Variants in TNRC6C observed in about 807,000 individuals in gnomAD.
TNRC6C encodes trinucleotide repeat containing adaptor 6C.
TNRC6C carries 20 observed loss-of-function variants against 153.7 expected under a neutral mutation model. That is an observed-to-expected ratio of 0.13 (90% CI 0.09 to 0.19). The LOEUF (loss-of-function observed/expected upper bound fraction) is 0.19. Ranked by LOEUF, TNRC6C falls within the 10% of genes least tolerant of loss-of-function variation. TNRC6C has a pLI of 1.00. For missense variants in TNRC6C, 1,987 were observed against 2,172.0 expected (o/e 0.91, Z 1.69); for synonymous variants, 811 against 841.4 (o/e 0.96, Z 0.63).
intron 1 of TNRC6C, among the ~76,000 whole-genome samples, chr17:77,976,488 G>C (rs989985804): frequency 6.6e-6 from 1 of 152,168 alleles, no homozygotes; most frequent in Non-Finnish European, 1.5e-5. Context: ...CCCAGTTAGG[G>C]TTCCAGAAAT....
At chr17:78,093,287 T>C (rs1414403557) in intron 15 of TNRC6C, 163 bp downstream of exon 17, 7 of 869,224 alleles carry the variant, frequency 8.1e-6, no homozygotes, top group Non-Finnish European at 1.2e-5. Context: ...GTCAGATCAA[T>C]TTTGGGTATG....
At chr17:78,101,763 G>A (rs188233282) in intron 17 of TNRC6C, among the ~76,000 whole-genome samples, 2 of 152,240 alleles carry the variant, frequency 1.3e-5, no homozygotes, top group African/African-American at 4.8e-5. Context: ...GGCACAGATC[G>A]CTCGTGCTAC....
At position 78,016,034 on chromosome 17, in the gene TNRC6C, T is replaced by G. The variant is rs1267677292; in HGVS notation, c.-546+10955T>G. On this transcript the variant is annotated intron_variant, in intron 1 of 19. Transcript: ENST00000301624. ...GAAATGGGTTTAAAATATGGAGGAC[T>G]GGGTGCGTATAAAATCACTGAAAGG... Among the ~76,000 whole-genome samples the G allele has an allele frequency of 3.3e-5, 5 of 152,218 alleles. No individual in the cohort carries two copies. The East Asian group carries it at 5.8e-4, about 18-fold the overall frequency.
intron 1 of TNRC6C, among the ~76,000 whole-genome samples, chr17:77,990,228 T>A (rs113357804): frequency 6.6e-6 from 1 of 152,214 alleles, no homozygotes; most frequent in Non-Finnish European, 1.5e-5. Flanking sequence ...TAAACTCTTA[T>A]ATTGACTGCA....
intron 1 of TNRC6C, among the ~76,000 whole-genome samples, chr17:78,024,735 TCAC>T (rs1215981483): frequency 3.9e-5 from 6 of 152,066 alleles, no homozygotes. Flanking sequence ...TTCCCTCTCC[TCAC>T]CACCACTAGT....
chr17:77,994,043 A>C (rs1404043779), intron 1 of TNRC6C, among the ~76,000 whole-genome samples: 1 of 152,080 alleles, frequency 6.6e-6, no homozygotes, highest in Non-Finnish European at 1.5e-5. Flanking sequence ...AAATACAAAA[A>C]TTAGCCGGGC....
chr17:78,043,693 G>A (rs1335081323), intron 2 of TNRC6C, among the ~76,000 whole-genome samples: 1 of 151,760 alleles, frequency 6.6e-6, no homozygotes, highest in Non-Finnish European at 1.5e-5. Flanking sequence ...ATTATTTTTT[G>A]TACCCATTAA....
intron 1 of TNRC6C, among the ~76,000 whole-genome samples, chr17:77,960,730 C>T (rs1457150390): frequency 6.6e-6 from 1 of 152,132 alleles, no homozygotes; most frequent in Non-Finnish European, 1.5e-5. Flanking sequence ...GCAGAGGTGG[C>T]AATGGTCTTT....
intron 1 of TNRC6C, among the ~76,000 whole-genome samples, chr17:77,964,801 A>G (rs1373322580): frequency 1.3e-5 from 2 of 152,202 alleles, no homozygotes; most frequent in Non-Finnish European, 2.9e-5. Flanking sequence ...TCCATATGAA[A>G]TATGAAGTGC....
chr17:78,000,930 C>T (rs1381610675), upstream of TNRC6C, among the ~76,000 whole-genome samples: 1 of 152,086 alleles, frequency 6.6e-6, no homozygotes, highest in Non-Finnish European at 1.5e-5. Flanking sequence ...CATAATTTCA[C>T]CTTTTGAATC....
chr17:78,077,025 C>T, intron 8 of TNRC6C, 160 bp from the exon 11 acceptor site: 1 of 732,814 alleles, frequency 1.4e-6, no homozygotes, highest in Non-Finnish European at 2.1e-6. Context: ...TTTCTTTTTC[C>T]CCTCTTCCTT....
Position 78,079,296 on chromosome 17 carries a change from A to G in TNRC6C, c.3211-99A>G. Reference sequence around the variant, plus strand: ...GTTGACAGTGGTAGGAAGTAGAAACAATTTTGCATTCACTTGAAATAGATC... The same window carrying G: ...GTTGACAGTGGTAGGAAGTAGAAACGATTTTGCATTCACTTGAAATAGATC... On this transcript the variant is annotated intron_variant, in intron 9 of 19. Coordinates refer to ENST00000301624, the Ensembl canonical transcript of TNRC6C. This position sits in a 1 kb window ranked among gnomAD's most constrained non-coding sequence, Gnocchi z 4.3. 2 of 1,529,458 alleles carry G rather than the reference A, an allele frequency of 1.3e-6. No individual in the cohort carries two copies. The highest frequency in any genetic ancestry group is 1.8e-6 in the Non-Finnish European group (2 of 1,127,814). 94.7% of individuals were successfully genotyped at this position (1,529,458 alleles called of 1,614,324 possible).
intron 9 of TNRC6C, among the ~76,000 whole-genome samples, chr17:78,078,954 A>T (rs1048737824): frequency 3.3e-5 from 5 of 152,104 alleles, no homozygotes; most frequent in African/African-American, 9.7e-5. Context: ...TTAGCCGGGT[A>T]TGGTGGCAGG....
At chr17:78,057,179 GTTCATTTTT>G (rs1401691668) in intron 3 of TNRC6C, among the ~76,000 whole-genome samples, 1 of 152,134 alleles carries the variant, frequency 6.6e-6, no homozygotes, top group African/African-American at 2.4e-5. Context: ...GGGGTTATTT[GTTCATTTTT>G]TTCATTTATA....
rs368771834 is a variant in TNRC6C, at chr17:78,035,004, ATC to A, written c.-219+3166_-219+3167del. Among the ~76,000 whole-genome samples the A allele has an allele frequency of 4.0e-3, 608 of 152,246 alleles. 7 individuals are homozygous for A. The highest frequency in any genetic ancestry group is 0.014 in the African/African-American group (583 of 41,534). Reference sequence around the variant, plus strand: ...TTCTATGACTAAGCAGAATGGGAAAATCTCTGAACCATAGGTGAGGACTTGGA... The same window carrying A: ...TTCTATGACTAAGCAGAATGGGAAAATCTGAACCATAGGTGAGGACTTGGA... On this transcript the variant is annotated intron_variant, in intron 2 of 19. Coordinates refer to ENST00000301624, the Ensembl canonical transcript of TNRC6C.
chr17:78,086,286 C>T lies in TNRC6C; in HGVS notation c.3478-217C>T, dbSNP rs544603555. Among the ~76,000 whole-genome samples the T allele has an allele frequency of 1.0e-4, 14 of 133,720 alleles. 3 individuals carry two copies. The highest frequency in any genetic ancestry group is 3.2e-4 in the African/African-American group (11 of 34,878). The allele number at this position is 133,720 out of a possible 152,430, so 87.7% of individuals were successfully genotyped here. A position where few individuals can be genotyped will look rare whatever the true frequency, so the allele number is the denominator to read the frequency against. Reference sequence around the variant, plus strand: ...CAGAGGTGGCAGTGAGCTGAGATCACGCCATTACACTCCAGCCTGGATGAC... The same window carrying T: ...CAGAGGTGGCAGTGAGCTGAGATCATGCCATTACACTCCAGCCTGGATGAC... On this transcript the variant is annotated intron_variant, in intron 11 of 19. Transcript: ENST00000301624.
At chr17:78,066,098 A>G (rs2072871250) in intron 4 of TNRC6C, among the ~76,000 whole-genome samples, 2 of 151,968 alleles carry the variant, frequency 1.3e-5, no homozygotes. Context: ...GGACATAGTG[A>G]TGAGCGCCTC....
chr17:77,958,770 C>G (rs1361402265), upstream of TNRC6C, among the ~76,000 whole-genome samples: 2 of 149,982 alleles, frequency 1.3e-5, no homozygotes, highest in Admixed American at 1.3e-4. Flanking sequence ...GGAGCCGTAG[C>G]CGCCGCCGCC....
chr17:78,041,844 A>G (rs2072302572), intron 2 of TNRC6C, among the ~76,000 whole-genome samples: 1 of 152,222 alleles, frequency 6.6e-6, no homozygotes, highest in South Asian at 2.1e-4. Flanking sequence ...TATAATACAT[A>G]TTATTTCAGT....
Sources: allele counts gnomAD v4.1 joint callset (sites outside exome capture counted in the v4.1 genomes callset), GRCh38; gene constraint gnomAD v4.1.1; non-coding constraint Gnocchi (gnomAD v3.1); transcripts MANE v1.5; gene names NCBI Gene and HGNC (gene_info 2026-07-23, HGNC 2026-07-21).